The following CNTN2 variants were observed in gnomAD, a reference collection of about 807,000 sequenced individuals.
CNTN2 encodes contactin-2.
In CNTN2, 53 loss-of-function variants were observed where a neutral mutation model predicts 117.5. The ratio of observed to expected loss-of-function variants is 0.45; its 90% confidence interval spans 0.36 to 0.57. The LOEUF is 0.57. Ranked by LOEUF, CNTN2 falls within the 20% of genes least tolerant of loss-of-function variation. The pLI, the probability that CNTN2 is intolerant of heterozygous loss-of-function variation, is 0.00. For synonymous variants in CNTN2, 530 were observed against 561.7 expected (o/e 0.94, Z 0.80); for missense variants, 1,106 against 1,404.3 (o/e 0.79, Z 3.39).
At chr1:205,064,894 G>A (rs1423031438) in intron 12 of CNTN2, 144 bp downstream of exon 12, 2 of 1,328,994 alleles carry the variant, frequency 1.5e-6, no homozygotes, top group Non-Finnish European at 2.1e-6. Flanking sequence ...CCACCCCCTG[G>A]CCACCACTGA....
intron 2 of CNTN2, among the ~76,000 whole-genome samples, chr1:205,055,410 T>C (rs558878277): frequency 6.6e-5 from 10 of 152,236 alleles, no homozygotes; most frequent in African/African-American, 2.4e-4. Context: ...TCTGTGGATA[T>C]GGATGGCTGA....
intron 1 of CNTN2, among the ~76,000 whole-genome samples, chr1:205,050,311 G>GTGTA (rs2096450285): frequency 6.6e-6 from 1 of 151,092 alleles, no homozygotes. Flanking sequence ...GTGTGTGTGT[G>GTGTA]TGTGTGACAG....
At chr1:205,049,196 A>T (rs188884360) in intron 1 of CNTN2, among the ~76,000 whole-genome samples, 2 of 151,448 alleles carry the variant, frequency 1.3e-5, no homozygotes, top group Admixed American at 6.6e-5. Context: ...AATTCTGACT[A>T]CTGGAGGTGG....
intron 1 of CNTN2, among the ~76,000 whole-genome samples, chr1:205,051,505 C>T (rs1290212912): frequency 6.6e-6 from 1 of 152,102 alleles, no homozygotes; most frequent in Non-Finnish European, 1.5e-5. Flanking sequence ...GTGGCAAGGA[C>T]AGGGAGGGGC....
In CNTN2 at chr1:205,073,554, C is replaced by T; in HGVS notation, c.3014-102C>T. On this transcript the variant is annotated intron_variant, in intron 22 of 22. Transcript: ENST00000331830. The surrounding 1 kb of genome is among the most constrained non-coding windows in gnomAD (Gnocchi z 6.3). ...ACCCAGCCGTCCGCTCCCAGGCCTG[C>T]AGCTGGCCCTGTGAGTCTCCTTAGG... The T allele has an allele frequency of 9.5e-7, 1 of 1,053,112 alleles. No homozygotes were observed. Among genetic ancestry groups the T allele is most frequent in the Non-Finnish European group, 1.4e-6 (1 of 709,192 alleles). The allele number at this position is 1,053,112 out of a possible 1,614,324, so 65.2% of individuals were successfully genotyped here.
rs776801957 is a variant in CNTN2 at position 205,065,179 on chromosome 1, A to G, written c.1612A>G (p.Met538Val). 1 of 1,614,002 alleles carries G rather than the reference A, an allele frequency of 6.2e-7. No individual in the cohort carries two copies. Among genetic ancestry groups the G allele is most frequent in the South Asian group, 1.1e-5 (1 of 91,074 alleles). Residue 538 changes from methionine to valine, a missense_variant, in exon 13 of 23, where the codon ATG becomes GTG. Physicochemically the swap from Met to Val is conservative, Grantham distance 21 (BLOSUM62 1). Transcript: ENST00000331830. This position sits in a 1 kb window ranked among gnomAD's most constrained non-coding sequence, Gnocchi z 4.1. Reference protein sequence around the residue: ...LQCHASHDPTMDLTFTWTLDD... With the variant: ...LQCHASHDPTVDLTFTWTLDD... ...GTGCCATGCCTCCCACGACCCCACC[A>G]TGGACCTCACCTTCACCTGGACCCT...
chr1:205,049,282 ACACACACACACACACAC>A (rs1558534847), intron 1 of CNTN2, among the ~76,000 whole-genome samples: 2,697 of 48,856 alleles, frequency 0.055, 51 homozygotes, highest in African/African-American at 0.13. Context: ...CTCACACCCG[ACACACACACACACACAC>A]ACACACACAC....
At position 205,061,780 on chromosome 1, in the gene CNTN2, G is replaced by A. The variant is rs2151192254; in HGVS notation, c.974-85G>A. The A allele has an allele frequency of 6.9e-7, 1 of 1,459,198 alleles. No homozygotes were observed. The allele number at this position is 1,459,198 out of a possible 1,614,324, so 90.4% of individuals were successfully genotyped here. ...GCGCCCTCTGCTGTCTGGCACAGGT[G>A]CTGCTGCCCTGATTTTCTGTTCCTT... On this transcript the variant is annotated intron_variant, in intron 8 of 22. Coordinates refer to ENST00000331830, the MANE Select transcript of CNTN2 (RefSeq NM_005076.5). This position sits in a 1 kb window ranked among gnomAD's most constrained non-coding sequence, Gnocchi z 4.8.
intron 9 of CNTN2, 170 bp from the exon 10 acceptor site, chr1:205,062,270 G>A: frequency 4.1e-6 from 4 of 986,346 alleles, no homozygotes; most frequent in Non-Finnish European, 5.8e-6. Context: ...GGAGGCCTGG[G>A]TAATCTGCAT....
Position 205,062,775 on chromosome 1 carries a change from T to C in CNTN2, c.1240+206T>C, listed in dbSNP as rs1654061567. On this transcript the variant is annotated intron_variant, in intron 10 of 22. Transcript: ENST00000331830. ...GACAGCTGCCAGAGGGCAGGGTCTC[T>C]GACTTGTTCCATGTCTGGCACACAG... is the stretch of plus-strand genomic sequence containing the variant. 3 of 449,742 alleles carry C rather than the reference T, an allele frequency of 6.7e-6. No homozygotes were observed. In the South Asian group the frequency reaches 1.4e-4, roughly 21 times the overall value. 27.9% of individuals were successfully genotyped at this position (449,742 alleles called of 1,614,324 possible). A position where few individuals can be genotyped will look rare whatever the true frequency, so the allele number is the denominator to read the frequency against.
chr1:205,053,105 T>C lies in CNTN2; in HGVS notation c.-81T>C. 8.9e-7 allele frequency: 1 copy of C among 1,126,850 alleles called. No homozygotes were observed. Among genetic ancestry groups the C allele is most frequent in the Non-Finnish European group, 1.3e-6 (1 of 796,770 alleles). 69.8% of individuals were successfully genotyped at this position (1,126,850 alleles called of 1,614,324 possible). A position where few individuals can be genotyped will look rare whatever the true frequency, so the allele number is the denominator to read the frequency against. ...CTTTCTGTCTGCCTCCCCAGGTCCTTTCTCAGCCTCCAGCTGGGCTGTCCC... is the reference window on the plus strand; with the variant it reads ...CTTTCTGTCTGCCTCCCCAGGTCCTCTCTCAGCCTCCAGCTGGGCTGTCCC... On this transcript the variant is annotated 5_prime_UTR_variant, in exon 2 of 23. Coordinates refer to ENST00000331830, the MANE Select transcript of CNTN2 (RefSeq NM_005076.5).
At position 205,058,471 on chromosome 1, in the gene CNTN2, A is replaced by T. The variant is rs745602659; in HGVS notation, c.392-97A>T. On this transcript the variant is annotated intron_variant, in intron 4 of 22. Transcript: ENST00000331830. The surrounding 1 kb of genome is among the most constrained non-coding windows in gnomAD (Gnocchi z 4.3). The stretch of plus-strand genomic sequence containing the variant: ...CCGGGCCTTCCTGACCTCACATGAC[A>T]TGCCTTAGTGAACTGCTGCTTCTCC... 7.1e-6 allele frequency: 11 copies of T among 1,548,218 alleles called. No individual in the cohort carries two copies. The highest frequency in any genetic ancestry group is 1.1e-5 in the South Asian group (1 of 87,740).
Position 205,074,013 on chromosome 1 carries a change from A to G in CNTN2, c.*248A>G, listed in dbSNP as rs1654737817. The G allele has an allele frequency of 1.7e-6, 1 of 595,026 alleles. No individual in the cohort carries two copies. The highest frequency in any genetic ancestry group is 1.9e-5 in the African/African-American group (1 of 53,802). The allele number at this position is 595,026 out of a possible 1,614,324, so 36.9% of individuals were successfully genotyped here. ...AACTTCCATGATGACACTGACGCCT[A>G]TACCTGAGCTCTAGGCTGCCTGGAG... is the stretch of plus-strand genomic sequence containing the variant. On this transcript the variant is annotated 3_prime_UTR_variant, in exon 23 of 23. Coordinates refer to ENST00000331830, the MANE Select transcript of CNTN2 (RefSeq NM_005076.5).
chr1:205,063,908 GA>G (rs920508536), intron 10 of CNTN2, among the ~76,000 whole-genome samples: 5 of 149,994 alleles, frequency 3.3e-5, no homozygotes, highest in Non-Finnish European at 7.4e-5. Context: ...GAGAGAGAGA[GA>G]AAAAAAAAGG....
intron 18 of CNTN2, 99 bp downstream of exon 18, chr1:205,070,160 T>C (rs12134724): frequency 0.39 from 470,431 of 1,192,436 alleles, 105,836 homozygotes; most frequent in Non-Finnish European, 0.47. Context: ...CTCAGTTCCA[T>C]AGGAGGAGGT....
At position 205,058,031 on chromosome 1, in the gene CNTN2, T is replaced by C. The variant is rs1442667295; in HGVS notation, c.181T>C (p.Cys61Arg). 6.2e-7 allele frequency: 1 copy of C among 1,613,652 alleles called. No individual in the cohort carries two copies. The highest frequency in any genetic ancestry group is 8.5e-7 in the Non-Finnish European group (1 of 1,179,816). The change falls in exon 3 of 23, where the codon TGC becomes CGC. Residue 61 changes from cysteine (C) to arginine (R), a missense_variant. Cys to Arg is a radical substitution (Grantham distance 180, BLOSUM62 -3). Transcript: ENST00000331830. This position sits in a 1 kb window ranked among gnomAD's most constrained non-coding sequence, Gnocchi z 4.3. ...CACGGAGGAGCAGGTGTTGCTGGCA[T>C]GCCGCGCCCGGGCCAGCCCTCCAGC... ...ESTEEQVLLA[C>R]RARASPPATY...
intron 2 of CNTN2, chr1:205,057,519 C>T (rs1653707655): frequency 6.4e-6 from 1 of 157,430 alleles, no homozygotes; most frequent in Non-Finnish European, 1.4e-5. Flanking sequence ...TTTCCTGTCT[C>T]CCTCCTTGGA....
At chr1:205,064,275 T>G (rs773052043) in intron 10 of CNTN2, 47 bp from the exon 11 acceptor site, 4 of 1,516,042 alleles carry the variant, frequency 2.6e-6, no homozygotes, top group Non-Finnish European at 3.5e-6. Flanking sequence ...AACGTCTTAA[T>G]CAAGGGTGAC....
At chr1:205,046,574 G>A (rs774714326) in intron 1 of CNTN2, among the ~76,000 whole-genome samples, 2 of 152,198 alleles carry the variant, frequency 1.3e-5, no homozygotes, top group South Asian at 2.1e-4. Context: ...GGAGGAGCAG[G>A]TTGGACCTCA....
Sources: allele counts gnomAD v4.1 joint callset (sites outside exome capture counted in the v4.1 genomes callset), GRCh38; gene constraint gnomAD v4.1.1; non-coding constraint Gnocchi (gnomAD v3.1); transcripts MANE v1.5; gene names NCBI Gene and HGNC (gene_info 2026-07-23, HGNC 2026-07-21).